EP300: variants seen among roughly 807,000 people sequenced by gnomAD.
EP300 encodes EP300 lysine acetyltransferase, also known as histone acetyltransferase p300.
Under a neutral mutation model 264.0 loss-of-function variants are expected in EP300, and 31 were observed. That is an observed-to-expected ratio of 0.12 (90% CI 0.09 to 0.16). The LOEUF (loss-of-function observed/expected upper bound fraction) is 0.16. Ranked by LOEUF, EP300 falls within the 10% of genes least tolerant of loss-of-function variation. The pLI is 1.00. For missense variants in EP300, 2,766 were observed against 3,052.9 expected (o/e 0.91, Z 2.21); for synonymous variants, 1,340 against 1,045.4 (o/e 1.28, Z -5.44).
At chr22:41,134,592 G>A (rs1328191355) in intron 6 of EP300, among the ~76,000 whole-genome samples, 2 of 152,076 alleles carry the variant, frequency 1.3e-5, no homozygotes, top group African/African-American at 4.8e-5. Flanking sequence ...ACAGGGTTTC[G>A]CCATGTGGCC....
chr22:41,100,165 T>G (rs1188161547), intron 1 of EP300, among the ~76,000 whole-genome samples: 6 of 152,154 alleles, frequency 3.9e-5, no homozygotes, highest in African/African-American at 1.4e-4. Flanking sequence ...GCCCAGGAGT[T>G]TTGAGGTTAC....
chr22:41,179,039 T>A lies in EP300; in HGVS notation c.*83T>A. On this transcript the variant is annotated 3_prime_UTR_variant, in exon 31 of 31. Transcript: ENST00000263253. Reference sequence around the variant, plus strand: ...GTACTGAAAACAATTTTTTTGAATCTTTCGTAGCCTAAAAGACAATTTTCC... The same window carrying A: ...GTACTGAAAACAATTTTTTTGAATCATTCGTAGCCTAAAAGACAATTTTCC... 6.5e-7 allele frequency: 1 copy of A among 1,530,618 alleles called. No homozygotes were observed. The highest frequency in any genetic ancestry group is 8.9e-7 in the Non-Finnish European group (1 of 1,123,220). The allele number at this position is 1,530,618 out of a possible 1,614,324, so 94.8% of individuals were successfully genotyped here.
chr22:41,170,706 G>C (rs2059164926), intron 27 of EP300, 135 bp downstream of exon 27: 1 of 975,752 alleles, frequency 1.0e-6, no homozygotes, highest in Admixed American at 2.6e-5. Context: ...CTGTCACGCA[G>C]GCTGGAGTGC....
intron 1 of EP300, 55 bp downstream of exon 1, chr22:41,093,153 G>A (rs927400749): frequency 1.3e-6 from 2 of 1,548,340 alleles, no homozygotes; most frequent in African/African-American, 1.4e-5. Flanking sequence ...TCTACTCGGT[G>A]CGCCTTTATT....
At chr22:41,142,290 G>A (rs570127144) in intron 10 of EP300, among the ~76,000 whole-genome samples, 2 of 152,188 alleles carry the variant, frequency 1.3e-5, no homozygotes, top group Non-Finnish European at 2.9e-5. Flanking sequence ...TAGATTATAG[G>A]TGGGCTGAGA....
chr22:41,098,021 T>C (rs1002030664), intron 1 of EP300, among the ~76,000 whole-genome samples: 4 of 151,786 alleles, frequency 2.6e-5, no homozygotes, highest in African/African-American at 7.3e-5. Flanking sequence ...TTAATACTTT[T>C]AAGTTTTAGG....
At position 41,135,675 on chromosome 22, in the gene EP300, C is replaced by A. The variant is rs909789485; in HGVS notation, c.1529-138C>A. The A allele has an allele frequency of 1.9e-5, 13 of 681,714 alleles. No homozygotes were observed. The South Asian group carries it at 2.2e-4, about 12-fold the overall frequency. 42.2% of individuals were successfully genotyped at this position (681,714 alleles called of 1,614,324 possible). ...AAATCAGCCTTTACATATGTGTTGC[C>A]AGTTATATTGTCAATTATTTATTGT... On this transcript the variant is annotated intron_variant, in intron 6 of 30. Transcript: ENST00000263253.
At chr22:41,103,581 T>A (rs1442674104) in intron 1 of EP300, among the ~76,000 whole-genome samples, 1 of 152,214 alleles carries the variant, frequency 6.6e-6, no homozygotes, top group Non-Finnish European at 1.5e-5. Flanking sequence ...TGGTGGAAAT[T>A]AACATACCTT....
At chr22:41,125,263 C>T (rs1390767213) in intron 2 of EP300, among the ~76,000 whole-genome samples, 1 of 151,582 alleles carries the variant, frequency 6.6e-6, no homozygotes, top group Non-Finnish European at 1.5e-5. Context: ...GGACTACAGG[C>T]GCCCGCCACC....
intron 2 of EP300, among the ~76,000 whole-genome samples, chr22:41,120,554 T>C (rs2058846498): frequency 6.6e-6 from 1 of 152,222 alleles, no homozygotes. Flanking sequence ...GTTCTTGTCA[T>C]GGATGAATCT....
At chr22:41,096,367 G>A (rs997576616) in intron 1 of EP300, among the ~76,000 whole-genome samples, 2 of 152,178 alleles carry the variant, frequency 1.3e-5, no homozygotes, top group African/African-American at 2.4e-5. Flanking sequence ...GCTTAATGCC[G>A]TATGCACTTA....
intron 22 of EP300, among the ~76,000 whole-genome samples, chr22:41,165,485 G>A (rs1488499808): frequency 2.0e-5 from 3 of 151,958 alleles, no homozygotes; most frequent in Non-Finnish European, 4.4e-5. Flanking sequence ...GTGCAGTGGC[G>A]CGATCTCGGC....
chr22:41,113,324 C>T (rs533752773), intron 1 of EP300, among the ~76,000 whole-genome samples: 1 of 152,010 alleles, frequency 6.6e-6, no homozygotes, highest in Admixed American at 6.5e-5. Flanking sequence ...TTTTAATTTT[C>T]TTTTTTTCTT....
chr22:41,103,288 C>G (rs1267822152), intron 1 of EP300, among the ~76,000 whole-genome samples: 1 of 152,116 alleles, frequency 6.6e-6, no homozygotes, highest in Non-Finnish European at 1.5e-5. Context: ...GTCAGTCACT[C>G]TTCATTTGCT....
In EP300 at chr22:41,177,631, A is replaced by G. The variant is rs1212378369; in HGVS notation, c.5920A>G (p.Arg1974Gly). 1.2e-6 allele frequency: 2 copies of G among 1,614,112 alleles called. No individual in the cohort carries two copies. Among genetic ancestry groups the G allele is most frequent in the Non-Finnish European group, 1.7e-6 (2 of 1,180,006 alleles). ...GGGTATGAACCCACCTCCCATGACC[A>G]GAGGTCCCAGTGGGCATTTGGAGCC... ...PMGMNPPPMT[R>G]GPSGHLEPGM... The change falls in exon 31 of 31, where the codon AGA (arginine) becomes GGA (glycine). Residue 1974 changes from arginine (R) to glycine (G), a missense_variant. By Grantham distance (125) the Arg-to-Gly change is moderately radical (BLOSUM62 -2). Coordinates refer to ENST00000263253, the MANE Select transcript of EP300 (RefSeq NM_001429.4).
At position 41,176,537 on chromosome 22, in the gene EP300, C is replaced by T. The variant is rs73176628; in HGVS notation, c.5061+9C>T. On this transcript the variant is annotated intron_variant, in intron 30 of 30. Coordinates refer to ENST00000263253, the MANE Select transcript of EP300 (RefSeq NM_001429.4). ...ACTGTACTGTCTGTGAGGTAGGCAC[C>T]GGGTTGTGGGAAGGAGGAGGTGAGC... is the stretch of plus-strand genomic sequence containing the variant. 39,902 of 1,613,432 alleles carry T rather than the reference C, an allele frequency of 0.025. 650 individuals carry two copies. The highest frequency in any genetic ancestry group is 0.053 in the Middle Eastern group (302 of 5,684).
At chr22:41,147,135 C>G (rs2059015652) in intron 11 of EP300, among the ~76,000 whole-genome samples, 1 of 152,010 alleles carries the variant, frequency 6.6e-6, no homozygotes, top group East Asian at 1.9e-4. Context: ...GAAACCCTGT[C>G]TCTACTAAAA....
intron 6 of EP300, among the ~76,000 whole-genome samples, chr22:41,135,304 A>G (rs2058944233): frequency 6.6e-6 from 1 of 152,154 alleles, no homozygotes; most frequent in Non-Finnish European, 1.5e-5. Flanking sequence ...GTAATTGGGT[A>G]GTTCCCTTTT....
Position 41,130,378 on chromosome 22 carries a change from C to T in EP300, c.1282+375C>T, listed in dbSNP as rs187458509. 1.1e-3 allele frequency among the ~76,000 whole-genome samples: 171 copies of T among 152,040 alleles called. 1 individual carries two copies. Among genetic ancestry groups the T allele is most frequent in the Middle Eastern group, 6.9e-3 (2 of 290 alleles). On this transcript the variant is annotated intron_variant, in intron 5 of 30. Coordinates refer to ENST00000263253, the MANE Select transcript of EP300 (RefSeq NM_001429.4). The stretch of plus-strand genomic sequence containing the variant: ...GACCAGCCTAGGCAACTTAGCAAGA[C>T]CTTGTATCTTCCAAAAACTTTAAAA...
Sources: gnomAD v4.1 joint callset for allele counts (sites outside exome capture counted in the v4.1 genomes callset) on GRCh38, gnomAD v4.1.1 for gene constraint, MANE v1.5 for transcripts, NCBI Gene and HGNC (gene_info 2026-07-23, HGNC 2026-07-21) for gene names.